Variants in DAB2 observed in about 807,000 individuals in gnomAD.
The protein encoded by DAB2 is disabled homolog 2.
DAB2 carries 28 observed loss-of-function variants against 71.6 expected under a neutral mutation model. The ratio of observed to expected loss-of-function variants is 0.39; its 90% CI spans 0.29 to 0.54. DAB2 has a LOEUF of 0.54. Ranked by LOEUF, DAB2 falls within the 20% of genes least tolerant of loss-of-function variation. DAB2 has a pLI of 0.68. For missense variants in DAB2, 867 were observed against 928.8 expected, an observed-to-expected ratio of 0.93 and a Z score of 0.86; for synonymous variants, 345 against 339.7, an observed-to-expected ratio of 1.02 and a Z score of -0.17.
chr5:39,382,622 G>A lies in DAB2; in HGVS notation c.1337C>T (p.Ala446Val), dbSNP rs1363632303. Residue 446 changes from alanine to valine, a missense_variant, in exon 10 of 15, where the codon GCT (alanine) becomes GTT (valine). Physicochemically the swap from Ala to Val is moderately conservative, Grantham distance 64 (BLOSUM62 0). Transcript: ENST00000320816. ...TATGTGGAGAAGACAATTCACCTTAGCAGTCCTTCTGCCTCTTCCTGGTTT... is the reference window on the plus strand; with the variant it reads ...TATGTGGAGAAGACAATTCACCTTAACAGTCCTTCTGCCTCTTCCTGGTTT... ...STKPGRGRRT[A>V]KSSANDLLAS... 12 of 1,612,490 alleles carry A rather than the reference G, an allele frequency of 7.4e-6. No homozygotes were observed. Among genetic ancestry groups the A allele is most frequent in the Non-Finnish European group, 1.0e-5 (12 of 1,178,678 alleles).
chr5:39,424,962 A>C lies in DAB2; in HGVS notation c.-260T>G, dbSNP rs1022398796. On this transcript the variant is annotated 5_prime_UTR_variant, in exon 1 of 15. Transcript: ENST00000320816. ...CGGCGAGAGATATGGTTCTAATCAG[A>C]TGCTGGCAGCTGAGGACTCCCCAGG... 9.2e-5 allele frequency: 14 copies of C among 152,360 alleles called. No individual in the cohort carries two copies. Among genetic ancestry groups the C allele is most frequent in the African/African-American group, 3.1e-4 (13 of 41,412 alleles). The allele number at this position is 152,360 out of a possible 1,614,324, so 9.4% of individuals were successfully genotyped here.
intron 1 of DAB2, among the ~76,000 whole-genome samples, chr5:39,404,686 C>T (rs1755575130): frequency 6.6e-6 from 1 of 151,978 alleles, no homozygotes; most frequent in Admixed American, 6.5e-5. Context: ...TCAAGCGATT[C>T]CCCTGCCTCA....
In DAB2 at chr5:39,407,791, T is replaced by A. The variant is rs16868812; in HGVS notation, c.-101-13370A>T. Reference sequence around the variant, plus strand: ...TCAGCTTGAAACTCTATGCGGATGTTAGAAGAGTTTTTAAAAAGCATGTAA... The same window carrying A: ...TCAGCTTGAAACTCTATGCGGATGTAAGAAGAGTTTTTAAAAAGCATGTAA... On this transcript the variant is annotated intron_variant, in intron 1 of 14. Coordinates refer to ENST00000320816, the MANE Select transcript of DAB2 (RefSeq NM_001343.4). Among the ~76,000 whole-genome samples, 244 of 152,298 alleles carry A rather than the reference T, an allele frequency of 1.6e-3. 1 individual carries two copies. Among genetic ancestry groups the A allele is most frequent in the African/African-American group, 5.7e-3 (235 of 41,556 alleles).
At position 39,395,243 on chromosome 5, in the gene DAB2, TAG is replaced by T. The variant is rs549752920; in HGVS notation, c.-101-824_-101-823del. Among the ~76,000 whole-genome samples, 26 of 152,074 alleles carry T rather than the reference TAG, an allele frequency of 1.7e-4. No individual in the cohort carries two copies. The South Asian group carries it at 5.0e-3, about 29-fold the overall frequency. On this transcript the variant is annotated intron_variant, in intron 1 of 14. Transcript: ENST00000320816. ...CAGGAGCCAATGTTTCTATATGCTG[TAG>T]AGAGAGCTAGGGCGAGTAGATTAAC...
chr5:39,410,977 T>TA (rs950733552), intron 1 of DAB2, among the ~76,000 whole-genome samples: 1 of 152,108 alleles, frequency 6.6e-6, no homozygotes, highest in Non-Finnish European at 1.5e-5. Context: ...AAAGGTTGGT[T>TA]AAAAAATCTG....
intron 2 of DAB2, among the ~76,000 whole-genome samples, 176 bp downstream of exon 2, chr5:39,394,054 C>T (rs925375386): frequency 2.0e-5 from 3 of 152,288 alleles, no homozygotes; most frequent in South Asian, 2.1e-4. Flanking sequence ...TCTTATTACA[C>T]GTGAGATGAA....
intron 9 of DAB2, among the ~76,000 whole-genome samples, chr5:39,384,926 A>G (rs1358597541): frequency 6.6e-6 from 1 of 152,134 alleles, no homozygotes; most frequent in African/African-American, 2.4e-5. Flanking sequence ...AAGGGAATAT[A>G]AAATTTGCAA....
intron 4 of DAB2, among the ~76,000 whole-genome samples, 183 bp from the exon 5 acceptor site, chr5:39,390,758 A>G (rs1292529151): frequency 6.6e-6 from 1 of 152,210 alleles, no homozygotes; most frequent in Admixed American, 6.5e-5. Flanking sequence ...CTCAAAAGAA[A>G]GAAGAATAGA....
intron 1 of DAB2, among the ~76,000 whole-genome samples, chr5:39,420,826 T>C (rs1191075238): frequency 2.0e-5 from 3 of 152,168 alleles, no homozygotes; most frequent in Non-Finnish European, 2.9e-5. Context: ...CTACTTCCCC[T>C]AGAGAGGCAG....
At position 39,372,564 on chromosome 5, in the gene DAB2, A is replaced by G. The variant is rs1432847148; in HGVS notation, c.*867T>C. The G allele has an allele frequency of 6.6e-6, 1 of 151,928 alleles. No homozygotes were observed. Among genetic ancestry groups the G allele is most frequent in the Non-Finnish European group, 1.5e-5 (1 of 68,022 alleles). The allele number at this position is 151,928 out of a possible 1,614,324, so 9.4% of individuals were successfully genotyped here. ...ATAGGTTGTGCCCATTTGCAATTCTAGTTCTTGGGACTAGCAATTACTGAG... is the reference window on the plus strand; with the variant it reads ...ATAGGTTGTGCCCATTTGCAATTCTGGTTCTTGGGACTAGCAATTACTGAG... On this transcript the variant is annotated 3_prime_UTR_variant, in exon 15 of 15. Coordinates refer to ENST00000320816, the MANE Select transcript of DAB2 (RefSeq NM_001343.4).
chr5:39,420,359 C>A (rs1360972301), intron 1 of DAB2, among the ~76,000 whole-genome samples: 1 of 152,202 alleles, frequency 6.6e-6, no homozygotes, highest in Non-Finnish European at 1.5e-5. Context: ...ATATTTCCCT[C>A]ATCCAGATTT....
At chr5:39,401,776 G>A (rs1004219288) in intron 1 of DAB2, among the ~76,000 whole-genome samples, 5 of 45,466 alleles carry the variant, frequency 1.1e-4, no homozygotes, top group South Asian at 7.3e-4. Flanking sequence ...TTTTTGAGAC[G>A]GAGTCTTGCT....
intron 14 of DAB2, among the ~76,000 whole-genome samples, chr5:39,374,082 C>G (rs1754761109): frequency 6.6e-6 from 1 of 152,092 alleles, no homozygotes; most frequent in South Asian, 2.1e-4. Context: ...TAAGCTCAAT[C>G]TTATTGTTTT....
chr5:39,378,245 C>T (rs1295525860), intron 11 of DAB2, among the ~76,000 whole-genome samples: 1 of 152,216 alleles, frequency 6.6e-6, no homozygotes, highest in Non-Finnish European at 1.5e-5. Context: ...GAGGCTCGCT[C>T]CCTGCATCTT....
Position 39,375,986 on chromosome 5 carries a change from T to C in DAB2, c.2247+11A>G. Reference sequence around the variant, plus strand: ...TACTTTGGAGAAGAGCTTCTAGTAGTTCATACTTACAGAGGCTTGTGATGA... The same window carrying C: ...TACTTTGGAGAAGAGCTTCTAGTAGCTCATACTTACAGAGGCTTGTGATGA... On this transcript the variant is annotated intron_variant, in intron 13 of 14. Coordinates refer to ENST00000320816, the MANE Select transcript of DAB2 (RefSeq NM_001343.4). 6.2e-7 allele frequency: 1 copy of C among 1,604,902 alleles called. No individual in the cohort carries two copies. Among genetic ancestry groups the C allele is most frequent in the South Asian group, 1.1e-5 (1 of 90,912 alleles).
At chr5:39,408,577 AT>A (rs1344044821) in intron 1 of DAB2, 1 of 152,154 alleles carries the variant, frequency 6.6e-6, no homozygotes, top group Non-Finnish European at 1.5e-5. Context: ...ACTGCTTACT[AT>A]TTACTGTCAT....
chr5:39,386,932 T>C (rs572045462), intron 9 of DAB2, among the ~76,000 whole-genome samples: 1 of 152,206 alleles, frequency 6.6e-6, no homozygotes, highest in Non-Finnish European at 1.5e-5. Context: ...TCTAGTCTAG[T>C]ACTTTAAAAA....
rs542351648 is a variant in DAB2, at chr5:39,424,621, G to T, written c.-102+183C>A. 2.0e-5 allele frequency among the ~76,000 whole-genome samples: 3 copies of T among 146,702 alleles called. No homozygotes were observed. The South Asian group carries it at 6.7e-4, about 33-fold the overall frequency. Reference sequence around the variant, plus strand: ...CGCGGAAGCATTCCTCAGATGTCAGGCCACAAAACTGCTGGTTTCCCCAAG... The same window carrying T: ...CGCGGAAGCATTCCTCAGATGTCAGTCCACAAAACTGCTGGTTTCCCCAAG... On this transcript the variant is annotated intron_variant, in intron 1 of 14. Transcript: ENST00000320816.
At chr5:39,399,526 G>A (rs78127103) in intron 1 of DAB2, among the ~76,000 whole-genome samples, 1 of 152,186 alleles carries the variant, frequency 6.6e-6, no homozygotes, top group African/African-American at 2.4e-5. Flanking sequence ...TCTGCTATAT[G>A]AATAAAATTA....
Sources: allele counts gnomAD v4.1 joint callset (sites outside exome capture counted in the v4.1 genomes callset), GRCh38; gene constraint gnomAD v4.1.1; transcripts MANE v1.5; gene names NCBI Gene and HGNC (gene_info 2026-07-23, HGNC 2026-07-21).